DENND11: variants seen among roughly 807,000 people sequenced by gnomAD.
DENND11 encodes DENN domain-containing protein 11.
In DENND11, 34 loss-of-function variants were observed where a neutral mutation model predicts 49.2. The observed-to-expected ratio is 0.69, with a 90% confidence interval of 0.53 to 0.92. The LOEUF (loss-of-function observed/expected upper bound fraction) is 0.92. Among genes scored for constraint, DENND11 ranks in the 40% least tolerant of loss-of-function variants. DENND11 has a pLI of 0.00. For synonymous variants in DENND11, 238 were observed against 230.3 expected (o/e 1.03, Z -0.30); for missense variants, 475 against 581.6 (o/e 0.82, Z 1.88).
At chr7:141,685,057 T>C (rs1472190439) in intron 3 of DENND11, among the ~76,000 whole-genome samples, 1 of 141,958 alleles carries the variant, frequency 7.0e-6, no homozygotes, top group Non-Finnish European at 1.5e-5. Flanking sequence ...TATATATATA[T>C]ATTTTTAAGT....
At chr7:141,667,691 C>G (rs755591275) in intron 4 of DENND11, among the ~76,000 whole-genome samples, 3 of 152,156 alleles carry the variant, frequency 2.0e-5, no homozygotes, top group African/African-American at 2.4e-5. Context: ...TTAACAACCA[C>G]CAGCCTTCAG....
At chr7:141,678,056 G>T (rs1798092932) in intron 3 of DENND11, among the ~76,000 whole-genome samples, 1 of 151,926 alleles carries the variant, frequency 6.6e-6, no homozygotes, top group African/African-American at 2.4e-5. Context: ...TCCACCTCTG[G>T]GTTCAAGCGA....
Position 141,659,002 on chromosome 7 carries a change from T to C in DENND11, c.*3654A>G, listed in dbSNP as rs1797745001. The C allele has an allele frequency of 6.6e-6, 1 of 152,556 alleles. No homozygotes were observed. The highest frequency in any genetic ancestry group is 2.4e-5 in the African/African-American group (1 of 41,466). 9.5% of individuals were successfully genotyped at this position (152,556 alleles called of 1,614,324 possible). ...AATTTATCTTCTAGCTAAAGTGTCA[T>C]CGGTAGTCACATGATCAACAAATGT... On this transcript the variant is annotated 3_prime_UTR_variant, in exon 9 of 9. Coordinates refer to ENST00000536163, the MANE Select transcript of DENND11 (RefSeq NM_001080392.2).
In DENND11 at chr7:141,674,230, A is replaced by ACACACACACACACACACACAC. The variant is rs1798030375; in HGVS notation, c.528-11_528-10insGTGTGTGTGTGTGTGTGTGTG. 1.3e-6 allele frequency: 2 copies of ACACACACACACACACACACAC among 1,494,634 alleles called. No homozygotes were observed. The highest frequency in any genetic ancestry group is 2.9e-5 in the African/African-American group (2 of 68,576). The allele number at this position is 1,494,634 out of a possible 1,614,324, so 92.6% of individuals were successfully genotyped here. On this transcript the variant is annotated splice_polypyrimidine_tract_variant and intron_variant, in intron 3 of 8. Transcript: ENST00000536163. ...CATCTCCAACTGGTGCCTGCAGAAA[A>ACACACACACACACACACACAC]ACACACACACACACACACACACACA...
intron 3 of DENND11, among the ~76,000 whole-genome samples, chr7:141,678,601 TACC>T (rs1362649840): frequency 6.6e-6 from 1 of 152,214 alleles, no homozygotes; most frequent in Non-Finnish European, 1.5e-5. Flanking sequence ...ACCCTACCAT[TACC>T]ACTTTTTTCC....
At chr7:141,668,841 T>A (rs1402807579) in intron 4 of DENND11, among the ~76,000 whole-genome samples, 5 of 151,696 alleles carry the variant, frequency 3.3e-5, no homozygotes, top group African/African-American at 1.2e-4. Flanking sequence ...TGAAATCTCT[T>A]TCCCTTTTTC....
At chr7:141,677,437 G>A (rs1360449772) in intron 3 of DENND11, among the ~76,000 whole-genome samples, 1 of 143,202 alleles carries the variant, frequency 7.0e-6, no homozygotes, top group African/African-American at 2.6e-5. Context: ...ATATATATGT[G>A]TGTGTGTGTG....
chr7:141,684,102 G>T (rs993840889), intron 3 of DENND11, among the ~76,000 whole-genome samples: 12 of 151,834 alleles, frequency 7.9e-5, no homozygotes, highest in Non-Finnish European at 1.8e-4. Context: ...TAATTTTTTT[G>T]TTTTTGTAGA....
intron 1 of DENND11, among the ~76,000 whole-genome samples, chr7:141,697,747 T>TA (rs1798439548): frequency 1.3e-5 from 2 of 151,758 alleles, no homozygotes; most frequent in African/African-American, 4.8e-5. Context: ...TCTCCATTGT[T>TA]TAAAAAAAAA....
chr7:141,665,552 C>A (rs1797881785), intron 5 of DENND11, among the ~76,000 whole-genome samples: 1 of 152,156 alleles, frequency 6.6e-6, no homozygotes, highest in African/African-American at 2.4e-5. Context: ...ATTTCTCAGT[C>A]TTTCTCTAGC....
chr7:141,699,596 G>A (rs1230300279), intron 1 of DENND11, among the ~76,000 whole-genome samples: 4 of 152,042 alleles, frequency 2.6e-5, no homozygotes, highest in African/African-American at 4.8e-5. Context: ...CTCACACTGC[G>A]CTCTCTCTTC....
In DENND11 at chr7:141,665,034, C is replaced by A. The variant is rs377517916; in HGVS notation, c.973G>T (p.Glu325Ter). ...ACGTCATACAGCTCCCGCTTCTCCT[C>A]GAATATCTTCTCTGTGGTGCCTGTG... ...YVACTTEKIF[E>*]EKRELYDVYV... The change falls in exon 7 of 9, where the codon GAG (glutamate) becomes TAG (stop). Residue 325 changes from glutamate (E) to a stop codon, truncating the protein, a stop_gained. Coordinates refer to ENST00000536163, the MANE Select transcript of DENND11 (RefSeq NM_001080392.2). LOFTEE classifies it high-confidence loss of function. 1 of 1,613,928 alleles carries A rather than the reference C, an allele frequency of 6.2e-7. No individual in the cohort carries two copies. Among genetic ancestry groups the A allele is most frequent in the Admixed American group, 1.7e-5 (1 of 60,014 alleles).
At chr7:141,677,408 T>A (rs1420269848) in intron 3 of DENND11, among the ~76,000 whole-genome samples, 22 of 129,756 alleles carry the variant, frequency 1.7e-4, no homozygotes, top group African/African-American at 4.9e-4. Flanking sequence ...AAAAAATATA[T>A]ATATATATAT....
chr7:141,667,550 C>T (rs1450245058), intron 4 of DENND11, among the ~76,000 whole-genome samples: 2 of 148,810 alleles, frequency 1.3e-5, no homozygotes, highest in Non-Finnish European at 3.0e-5. Context: ...GCTTCAAACC[C>T]TGGGCCTTGT....
intron 5 of DENND11, 50 bp downstream of exon 5, chr7:141,666,237 T>C (rs750535907): frequency 6.5e-7 from 1 of 1,527,374 alleles, no homozygotes; most frequent in Admixed American, 1.9e-5. Context: ...ACTCAAGCAG[T>C]TTCTGCTCCA....
chr7:141,700,593 G>C (rs1798495405), intron 1 of DENND11, among the ~76,000 whole-genome samples: 2 of 152,054 alleles, frequency 1.3e-5, no homozygotes, highest in South Asian at 4.1e-4. Flanking sequence ...TGAGCATATT[G>C]GTTGTGATGT....
rs1472517903 is a variant in DENND11 at position 141,657,455 on chromosome 7, C to G, written c.*5201G>C. ...TTACCCAAAGGAAGGAGTTTTCACT[C>G]TAATGTCAATATATTTGCAACCATC... On this transcript the variant is annotated 3_prime_UTR_variant, in exon 9 of 9. Transcript: ENST00000536163. The G allele has an allele frequency of 6.6e-6, 1 of 152,190 alleles. No individual in the cohort carries two copies. The highest frequency in any genetic ancestry group is 1.5e-5 in the Non-Finnish European group (1 of 68,034). The allele number at this position is 152,190 out of a possible 1,614,324, so 9.4% of individuals were successfully genotyped here.
chr7:141,680,470 T>C (rs1300003567), intron 3 of DENND11, among the ~76,000 whole-genome samples: 3 of 152,058 alleles, frequency 2.0e-5, no homozygotes, highest in East Asian at 2.0e-4. Flanking sequence ...ATGTGAGTGG[T>C]AGTCTGCCAT....
rs1346498640 is a variant in DENND11 at position 141,661,402 on chromosome 7, C to A, written c.*1254G>T. 1 of 152,214 alleles carries A rather than the reference C, an allele frequency of 6.6e-6. No individual in the cohort carries two copies. Among genetic ancestry groups the A allele is most frequent in the Non-Finnish European group, 1.5e-5 (1 of 68,044 alleles). 9.4% of individuals were successfully genotyped at this position (152,214 alleles called of 1,614,324 possible). On this transcript the variant is annotated 3_prime_UTR_variant, in exon 9 of 9. Coordinates refer to ENST00000536163, the MANE Select transcript of DENND11 (RefSeq NM_001080392.2). ...AGAACAGGCAGGTGGCAACAGGACC[C>A]AGCCTAGAGCAGAGCACTTCAGAAG...
Sources: gnomAD v4.1 joint callset for allele counts (sites outside exome capture counted in the v4.1 genomes callset) on GRCh38, gnomAD v4.1.1 for gene constraint, MANE v1.5 for transcripts, NCBI Gene and HGNC (gene_info 2026-07-23, HGNC 2026-07-21) for gene names.